The following SUPT3H variants were observed in gnomAD, a reference collection of about 807,000 sequenced individuals.
The protein encoded by SUPT3H is SPT3 homolog, SAGA and STAGA complex component, also known as transcription initiation protein SPT3 homolog.
SUPT3H carries 44 observed loss-of-function variants against 44.3 expected under a neutral mutation model. The observed-to-expected ratio is 0.99, with a 90% CI of 0.78 to 1.28. The LOEUF (loss-of-function observed/expected upper bound fraction) is 1.28. Among genes scored for constraint, SUPT3H ranks in the 50% most tolerant of loss-of-function variants. The pLI, the probability that SUPT3H is intolerant of heterozygous loss-of-function variation, is 0.00. For missense variants in SUPT3H, 380 were observed against 387.1 expected, an observed-to-expected ratio of 0.98 and a Z score of 0.15; for synonymous variants, 124 against 125.6, an observed-to-expected ratio of 0.99 and a Z score of 0.09.
At chr6:45,181,519 T>C (rs1363843177) in intron 2 of SUPT3H, among the ~76,000 whole-genome samples, 2 of 151,742 alleles carry the variant, frequency 1.3e-5, no homozygotes, top group African/African-American at 2.4e-5. Context: ...ATATACACCA[T>C]GGAATACTAT....
intron 3 of SUPT3H, among the ~76,000 whole-genome samples, chr6:45,028,767 A>G (rs936675693): frequency 2.0e-5 from 3 of 152,134 alleles, no homozygotes; most frequent in Admixed American, 1.3e-4. Context: ...TTTCTCTCCT[A>G]GATTTCTTAT....
intron 2 of SUPT3H, among the ~76,000 whole-genome samples, chr6:45,112,421 G>A (rs2153574911): frequency 6.6e-6 from 1 of 152,120 alleles, no homozygotes; most frequent in East Asian, 1.9e-4. Context: ...AAAAAAGGTG[G>A]GGGGTGTTGA....
intron 2 of SUPT3H, among the ~76,000 whole-genome samples, chr6:45,218,363 T>C (rs1007108459): frequency 2.0e-5 from 3 of 152,054 alleles, no homozygotes; most frequent in African/African-American, 7.2e-5. Flanking sequence ...GCAAAACTGA[T>C]AGAGCTGGAA....
chr6:44,889,487 A>T (rs1762915206), intron 10 of SUPT3H, among the ~76,000 whole-genome samples: 1 of 152,236 alleles, frequency 6.6e-6, no homozygotes, highest in African/African-American at 2.4e-5. Context: ...TCTTTGACAA[A>T]CCTGAGAAAA....
At chr6:45,170,511 T>G (rs1276420033) in intron 2 of SUPT3H, among the ~76,000 whole-genome samples, 1 of 152,224 alleles carries the variant, frequency 6.6e-6, no homozygotes, top group Non-Finnish European at 1.5e-5. Context: ...GTAGCTGAAA[T>G]CAGTTCAGCG....
At chr6:44,946,828 C>T (rs1269350287) in intron 9 of SUPT3H, among the ~76,000 whole-genome samples, 4 of 152,200 alleles carry the variant, frequency 2.6e-5, no homozygotes, top group Non-Finnish European at 4.4e-5. Flanking sequence ...AGAGAACTGA[C>T]TCCAATTATG....
intron 6 of SUPT3H, among the ~76,000 whole-genome samples, chr6:44,993,077 C>T (rs746333814): frequency 2.0e-5 from 3 of 152,016 alleles, no homozygotes; most frequent in Non-Finnish European, 2.9e-5. Context: ...GCTAGAGGAT[C>T]GATCAAGCCT....
intron 10 of SUPT3H, among the ~76,000 whole-genome samples, chr6:44,902,409 ATT>A (rs1348250265): frequency 9.2e-5 from 14 of 152,120 alleles, no homozygotes; most frequent in Non-Finnish European, 1.8e-4. Flanking sequence ...AGACTTTAAA[ATT>A]ACAAAGATCA....
intron 3 of SUPT3H, among the ~76,000 whole-genome samples, chr6:45,084,390 A>G (rs79445178): frequency 1.7e-3 from 252 of 152,310 alleles, no homozygotes; most frequent in Non-Finnish European, 2.7e-3. Context: ...ATATGAAAAA[A>G]ATTTCCATAT....
intron 2 of SUPT3H, among the ~76,000 whole-genome samples, chr6:45,231,150 CTT>C (rs1436237931): frequency 1.3e-5 from 2 of 152,018 alleles, no homozygotes; most frequent in Non-Finnish European, 2.9e-5. Flanking sequence ...CCATTTGAGT[CTT>C]TTTTTCTTCC....
intron 2 of SUPT3H, among the ~76,000 whole-genome samples, chr6:45,119,003 C>T (rs1176455022): frequency 1.3e-5 from 2 of 152,128 alleles, no homozygotes; most frequent in African/African-American, 4.8e-5. Context: ...CCCCAGTTAT[C>T]GTAGTTGAGT....
At chr6:45,341,246 A>G (rs1332860707) in intron 2 of SUPT3H, among the ~76,000 whole-genome samples, 9 of 152,180 alleles carry the variant, frequency 5.9e-5, no homozygotes, top group Non-Finnish European at 1.3e-4. Context: ...ATGAGATTAT[A>G]TTTTTCAGTC....
intron 3 of SUPT3H, among the ~76,000 whole-genome samples, chr6:45,086,052 C>CT (rs1166805074): frequency 6.6e-6 from 1 of 152,034 alleles, no homozygotes; most frequent in African/African-American, 2.4e-5. Flanking sequence ...TGCAGGAGTT[C>CT]TATCAGAAAT....
intron 2 of SUPT3H, among the ~76,000 whole-genome samples, chr6:45,136,835 G>A (rs911334994): frequency 1.3e-5 from 2 of 152,052 alleles, no homozygotes; most frequent in African/African-American, 4.8e-5. Flanking sequence ...GCATATAACA[G>A]AGTCTCAGAA....
chr6:44,907,451 C>A (rs1024557693), intron 10 of SUPT3H, among the ~76,000 whole-genome samples: 5 of 152,060 alleles, frequency 3.3e-5, no homozygotes, highest in South Asian at 2.1e-4. Flanking sequence ...CTGAGACGGG[C>A]GGATCACCTG....
chr6:45,333,737 C>T (rs1203865082), intron 2 of SUPT3H, among the ~76,000 whole-genome samples: 1 of 151,218 alleles, frequency 6.6e-6, no homozygotes, highest in Admixed American at 6.6e-5. Flanking sequence ...AGGCTAGTTG[C>T]TACATAAGTA....
chr6:45,068,346 G>C (rs1793770477), intron 3 of SUPT3H, among the ~76,000 whole-genome samples: 1 of 137,992 alleles, frequency 7.2e-6, no homozygotes, highest in South Asian at 2.6e-4. Context: ...ATAGCATTGG[G>C]AGATATACCT....
At chr6:45,240,354 A>T (rs893151633) in intron 2 of SUPT3H, among the ~76,000 whole-genome samples, 4 of 152,138 alleles carry the variant, frequency 2.6e-5, no homozygotes, top group African/African-American at 9.7e-5. Context: ...TTCCTTCAAC[A>T]ACGGCTGACA....
chr6:45,009,617 A>G (rs969451180), intron 5 of SUPT3H, among the ~76,000 whole-genome samples: 1 of 152,084 alleles, frequency 6.6e-6, no homozygotes, highest in Non-Finnish European at 1.5e-5. Flanking sequence ...ATATCAACTG[A>G]TCCTAAATGC....
Sources: gnomAD v4.1 joint callset for allele counts (sites outside exome capture counted in the v4.1 genomes callset) on GRCh38, gnomAD v4.1.1 for gene constraint, MANE v1.5 for transcripts, NCBI Gene and HGNC (gene_info 2026-07-23, HGNC 2026-07-21) for gene names.